The following SHANK2 variants were observed in gnomAD, a reference collection of about 807,000 sequenced individuals.
SHANK2 encodes the protein SH3 and multiple ankyrin repeat domains protein 2.
In SHANK2, 43 loss-of-function variants were observed where a neutral mutation model predicts 133.7. That is an observed-to-expected ratio of 0.32 (90% CI 0.25 to 0.41). The LOEUF is 0.41. Among genes scored for constraint, SHANK2 ranks in the 10% least tolerant of loss-of-function variants. SHANK2 has a pLI of 1.00. For missense variants in SHANK2, 1,994 were observed against 2,235.8 expected, an observed-to-expected ratio of 0.89 and a Z score of 2.18; for synonymous variants, 1,017 against 952.8, an observed-to-expected ratio of 1.07 and a Z score of -1.24.
At chr11:70,497,804 C>G (rs367787892) in intron 21 of SHANK2, among the ~76,000 whole-genome samples, 1 of 152,202 alleles carries the variant, frequency 6.6e-6, no homozygotes, top group African/African-American at 2.4e-5. Flanking sequence ...GCGTCCATGC[C>G]GAGGCTGGGA....
intron 14 of SHANK2, among the ~76,000 whole-genome samples, chr11:70,774,078 T>C (rs901454192): frequency 2.0e-5 from 3 of 152,160 alleles, no homozygotes; most frequent in Non-Finnish European, 4.4e-5. Flanking sequence ...CATCTTCTAA[T>C]AGAAACAAAG....
At chr11:71,087,595 C>T (rs895651364) in intron 8 of SHANK2, among the ~76,000 whole-genome samples, 113 of 152,270 alleles carry the variant, frequency 7.4e-4, no homozygotes, top group African/African-American at 2.6e-3. Context: ...AGAGAACAAG[C>T]GAGCTTCGGG....
rs782253956 is a variant in SHANK2, at chr11:70,820,478, G to A, written c.1379C>T (p.Ala460Val). The A allele has an allele frequency of 2.7e-5, 19 of 716,534 alleles. No homozygotes were observed. The highest frequency in any genetic ancestry group is 4.4e-5 in the Non-Finnish European group (17 of 384,552). 44.4% of individuals were successfully genotyped at this position (716,534 alleles called of 1,614,324 possible). Residue 460 changes from alanine (A) to valine (V), a missense_variant, in exon 12 of 26, where the codon GCC (alanine) becomes GTC (valine). Physicochemically the swap from Ala to Val is moderately conservative, Grantham distance 64. Transcript: ENST00000601538. ...LQQMPSKPEGAAKTIGSYVPG... is the reference protein window; with the variant it reads ...LQQMPSKPEGVAKTIGSYVPG... The stretch of plus-strand genomic sequence containing the variant: ...CACGTAGCTCCCAATGGTCTTCGCG[G>A]CCCCCTCGGGCTTGCTGGGCATCTG...
At chr11:71,082,669 G>A (rs1394053194) in intron 8 of SHANK2, among the ~76,000 whole-genome samples, 3 of 152,196 alleles carry the variant, frequency 2.0e-5, no homozygotes, top group Admixed American at 6.5e-5. Flanking sequence ...TCCCCTCGCC[G>A]TGGGGCCCAG....
In SHANK2 at chr11:70,535,822, C is replaced by T. The variant is rs868928686; in HGVS notation, c.2062-32891G>A. ...CCATCCGCTGGCAGGGAGCTGGGCC[C>T]AGGCACTTGGGAAGCTTGGGAGCCT... is the stretch of plus-strand genomic sequence containing the variant. On this transcript the variant is annotated intron_variant, in intron 17 of 25. Coordinates refer to ENST00000601538, the MANE Select transcript of SHANK2 (RefSeq NM_012309.5). This position sits in a 1 kb window ranked among gnomAD's most constrained non-coding sequence, Gnocchi z 4.3. Among the ~76,000 whole-genome samples the T allele has an allele frequency of 2.0e-5, 3 of 152,214 alleles. No homozygotes were observed. Among genetic ancestry groups the T allele is most frequent in the Non-Finnish European group, 4.4e-5 (3 of 68,032 alleles).
intron 2 of SHANK2, among the ~76,000 whole-genome samples, chr11:71,171,154 G>T (rs1485336047): frequency 6.6e-6 from 1 of 152,164 alleles, no homozygotes; most frequent in Non-Finnish European, 1.5e-5. Context: ...GTATTGGTCC[G>T]GATTCTCCAA....
intron 13 of SHANK2, among the ~76,000 whole-genome samples, 178 bp from the exon 14 acceptor site, chr11:70,798,734 C>T (rs11237534): frequency 0.19 from 28,215 of 152,196 alleles, 3,151 homozygotes; most frequent in African/African-American, 0.3. Flanking sequence ...CTAAGAGGCA[C>T]CGGGGCATCA....
At chr11:71,162,287 G>C (rs557254367) in intron 2 of SHANK2, among the ~76,000 whole-genome samples, 3 of 152,218 alleles carry the variant, frequency 2.0e-5, no homozygotes, top group Non-Finnish European at 4.4e-5. Flanking sequence ...ATGTGGCAAA[G>C]GGCATCACAT....
chr11:71,231,196 T>C (rs893453337), intron 1 of SHANK2, among the ~76,000 whole-genome samples: 2 of 152,126 alleles, frequency 1.3e-5, no homozygotes, highest in Non-Finnish European at 2.9e-5. Flanking sequence ...AATATGTGTC[T>C]AGAATAAAGA....
chr11:70,798,959 C>CA (rs1441353030), intron 13 of SHANK2, among the ~76,000 whole-genome samples: 3 of 152,132 alleles, frequency 2.0e-5, no homozygotes, highest in Admixed American at 2.0e-4. Context: ...AGTCGGGGGG[C>CA]ACCGCCACAA....
At chr11:71,150,642 G>T (rs1328610768) in intron 2 of SHANK2, among the ~76,000 whole-genome samples, 1 of 151,964 alleles carries the variant, frequency 6.6e-6, no homozygotes, top group Non-Finnish European at 1.5e-5. Flanking sequence ...GGTGTGTGTG[G>T]CTTCATGTCC....
At chr11:71,190,618 A>T (rs554232002) in intron 2 of SHANK2, among the ~76,000 whole-genome samples, 93 of 152,324 alleles carry the variant, frequency 6.1e-4, no homozygotes, top group African/African-American at 2.1e-3. Flanking sequence ...TCGGCCTCTT[A>T]AGGCCTCTCC....
intron 6 of SHANK2, among the ~76,000 whole-genome samples, chr11:71,106,638 G>T (rs1951805229): frequency 6.6e-6 from 1 of 152,178 alleles, no homozygotes; most frequent in African/African-American, 2.4e-5. Context: ...CTTCTGCTTT[G>T]GTACCGGCCT....
intron 2 of SHANK2, among the ~76,000 whole-genome samples, chr11:71,161,035 T>C (rs1953004051): frequency 6.6e-6 from 1 of 152,242 alleles, no homozygotes; most frequent in Non-Finnish European, 1.5e-5. Context: ...ACCAACTGAA[T>C]GGATCCCCCA....
chr11:70,845,198 C>CAAAAAAAAAAA (rs782471301), intron 11 of SHANK2, among the ~76,000 whole-genome samples: 8 of 51,514 alleles, frequency 1.6e-4, no homozygotes, highest in Non-Finnish European at 2.3e-4. Context: ...GACTCTGTCT[C>CAAAAAAAAAAA]AAAAAAAAAA....
chr11:70,785,989 T>C (rs1555046379), intron 14 of SHANK2, among the ~76,000 whole-genome samples: 1 of 152,136 alleles, frequency 6.6e-6, no homozygotes, highest in East Asian at 1.9e-4. Context: ...CTACCTGCTA[T>C]GCACAGATGG....
chr11:70,742,920 C>T (rs1555035078), intron 14 of SHANK2, among the ~76,000 whole-genome samples: 1 of 152,218 alleles, frequency 6.6e-6, no homozygotes, highest in African/African-American at 2.4e-5. Flanking sequence ...TGACGCCTTG[C>T]ACATATTTGA....
intron 11 of SHANK2, among the ~76,000 whole-genome samples, chr11:70,849,485 G>T (rs1346575132): frequency 6.6e-6 from 1 of 152,216 alleles, no homozygotes; most frequent in Non-Finnish European, 1.5e-5. Context: ...TGGCAGGCTA[G>T]TGTAGGAAGT....
intron 14 of SHANK2, among the ~76,000 whole-genome samples, chr11:70,744,179 A>G (rs1276340711): frequency 6.6e-6 from 1 of 152,190 alleles, no homozygotes; most frequent in Non-Finnish European, 1.5e-5. Flanking sequence ...ACATTCACGC[A>G]CCTGGCAAGT....
Sources: allele counts gnomAD v4.1 joint callset (sites outside exome capture counted in the v4.1 genomes callset), GRCh38; gene constraint gnomAD v4.1.1; non-coding constraint Gnocchi (gnomAD v3.1); transcripts MANE v1.5; gene names NCBI Gene and HGNC (gene_info 2026-07-23, HGNC 2026-07-21).